The following COL24A1 variants were observed in gnomAD, a reference collection of about 807,000 sequenced individuals.
The protein encoded by COL24A1 is collagen type XXIV alpha 1 chain.
Under a neutral mutation model 253.9 loss-of-function variants are expected in COL24A1, and 224 were observed. That is an observed-to-expected ratio of 0.88 (90% CI 0.79 to 0.99). The LOEUF is 0.99. COL24A1 is among the 50% of genes least tolerant of loss of function. The pLI is 0.00. For synonymous variants in COL24A1, 685 were observed against 673.7 expected (o/e 1.02, Z -0.26); for missense variants, 2,131 against 2,068.5 (o/e 1.03, Z -0.59).
chr1:85,870,950 G>C (rs1680397706), intron 35 of COL24A1, among the ~76,000 whole-genome samples: 1 of 151,910 alleles, frequency 6.6e-6, no homozygotes, highest in African/African-American at 2.4e-5. Context: ...TAGACCGCTA[G>C]CAATACTAAT....
At chr1:85,922,885 G>C (rs1324743300) in intron 24 of COL24A1, among the ~76,000 whole-genome samples, 1 of 152,154 alleles carries the variant, frequency 6.6e-6, no homozygotes, top group Admixed American at 6.5e-5. Context: ...ATTGGATAAA[G>C]AGTCAAGACC....
intron 24 of COL24A1, among the ~76,000 whole-genome samples, chr1:85,937,376 TA>T (rs1688330417): frequency 6.8e-6 from 1 of 147,558 alleles, no homozygotes; most frequent in Non-Finnish European, 1.5e-5. Flanking sequence ...ATTAGGCACC[TA>T]AAAGGAAGAA....
chr1:86,043,246 A>G (rs190724704), intron 12 of COL24A1, among the ~76,000 whole-genome samples: 129 of 152,272 alleles, frequency 8.5e-4, no homozygotes, highest in African/African-American at 2.9e-3. Flanking sequence ...AAGACTGACT[A>G]TATCGCTCTA....
At position 85,841,425 on chromosome 1, in the gene COL24A1, CTATGA is replaced by C. The variant is rs1395742137; in HGVS notation, c.3571-152_3571-148del. ...AAAACTTTGATGTAAGAAACTAAGC[CTATGA>C]TATTTTATACAGAGTTGTAATTTGT... On this transcript the variant is annotated intron_variant, in intron 41 of 59. Transcript: ENST00000370571. 1.0e-4 allele frequency: 58 copies of C among 581,270 alleles called. No individual in the cohort carries two copies. The African/African-American group carries it at 1.1e-3, about 11-fold the overall frequency. The allele number at this position is 581,270 out of a possible 1,614,324, so 36.0% of individuals were successfully genotyped here. A position where few individuals can be genotyped will look rare whatever the true frequency, so the allele number is the denominator to read the frequency against.
intron 1 of COL24A1, among the ~76,000 whole-genome samples, chr1:86,148,908 C>T (rs1203488029): frequency 6.6e-6 from 1 of 152,038 alleles, no homozygotes; most frequent in Non-Finnish European, 1.5e-5. Flanking sequence ...AGTTCTAGAT[C>T]CCTGAGGAAT....
chr1:85,747,289 T>A (rs1286331999), intron 55 of COL24A1, among the ~76,000 whole-genome samples: 2 of 151,658 alleles, frequency 1.3e-5, no homozygotes, highest in African/African-American at 4.8e-5. Context: ...AATTTTTGTA[T>A]TTTTGGTAGA....
chr1:85,960,284 A>C lies in COL24A1; in HGVS notation c.2562+965T>G, dbSNP rs1690897545. ...ATTAATTTAGCACACTCTGTAAACG[A>C]ATTCACTTTCCTGGTGTTAATTTAA... On this transcript the variant is annotated intron_variant, in intron 24 of 59. Transcript: ENST00000370571. Among the ~76,000 whole-genome samples the C allele has an allele frequency of 2.0e-5, 3 of 152,270 alleles. No homozygotes were observed. In the South Asian group the frequency reaches 6.2e-4, roughly 32 times the overall value.
chr1:86,153,981 T>C (rs1653131453), intron 1 of COL24A1: 1 of 152,178 alleles, frequency 6.6e-6, no homozygotes, highest in Admixed American at 6.5e-5. Flanking sequence ...TGGAACTGTT[T>C]TTGGGTGACT....
chr1:86,078,838 A>G (rs1702434526), intron 7 of COL24A1, among the ~76,000 whole-genome samples: 2 of 152,198 alleles, frequency 1.3e-5, no homozygotes, highest in African/African-American at 4.8e-5. Context: ...TTCCATGTTC[A>G]TGAATTGGAA....
At chr1:86,043,348 A>G (rs1699648294) in intron 12 of COL24A1, among the ~76,000 whole-genome samples, 1 of 152,028 alleles carries the variant, frequency 6.6e-6, no homozygotes, top group Non-Finnish European at 1.5e-5. Context: ...TCACCCACAA[A>G]AATTAAAAAA....
At chr1:85,823,804 T>G in intron 43 of COL24A1, 66 bp from the exon 44 acceptor site, 2 of 1,399,160 alleles carry the variant, frequency 1.4e-6, no homozygotes, top group Non-Finnish European at 2.0e-6. Flanking sequence ...AATAGGATAC[T>G]ATCACTTAAA....
chr1:86,097,824 A>G (rs890668611), intron 5 of COL24A1, among the ~76,000 whole-genome samples: 2 of 151,884 alleles, frequency 1.3e-5, no homozygotes, highest in African/African-American at 2.4e-5. Context: ...GATGACTGTA[A>G]ACTGTATTTC....
At position 85,786,503 on chromosome 1, in the gene COL24A1, A is replaced by T. The variant is rs778455585; in HGVS notation, c.3952-42T>A. The T allele has an allele frequency of 3.8e-6, 6 of 1,580,260 alleles. No homozygotes were observed. In the East Asian group the frequency reaches 1.1e-4, roughly 30 times the overall value. The stretch of plus-strand genomic sequence containing the variant: ...AGAAATGAAAACTGGGAAAGTTTCT[A>T]AAAAGTCAGTTTAGAGGCTCAATAA... On this transcript the variant is annotated intron_variant, in intron 47 of 59. Transcript: ENST00000370571.
intron 47 of COL24A1, among the ~76,000 whole-genome samples, chr1:85,808,822 C>T (rs563788900): frequency 3.0e-4 from 45 of 152,254 alleles, no homozygotes; most frequent in Non-Finnish European, 5.6e-4. Flanking sequence ...GCAAGGCTGG[C>T]CCACATGGGA....
chr1:86,003,994 T>A (rs1695691878), intron 19 of COL24A1, among the ~76,000 whole-genome samples: 1 of 152,170 alleles, frequency 6.6e-6, no homozygotes, highest in South Asian at 2.1e-4. Flanking sequence ...GGCATGAGTA[T>A]CAAATGAATG....
chr1:86,070,387 T>G (rs1235691660), intron 7 of COL24A1, among the ~76,000 whole-genome samples: 1 of 151,892 alleles, frequency 6.6e-6, no homozygotes, highest in Non-Finnish European at 1.5e-5. Context: ...AAAGAGGAAG[T>G]AGAGAAAGAG....
At chr1:86,099,214 A>G (rs1360319084) in intron 5 of COL24A1, among the ~76,000 whole-genome samples, 1 of 152,182 alleles carries the variant, frequency 6.6e-6, no homozygotes, top group Non-Finnish European at 1.5e-5. Flanking sequence ...TGATAATGAA[A>G]ATGTAACATA....
At chr1:85,970,307 TA>T in intron 21 of COL24A1, 36 bp from the exon 22 acceptor site, 1 of 1,513,764 alleles carries the variant, frequency 6.6e-7, no homozygotes, top group Non-Finnish European at 8.9e-7. Flanking sequence ...TATTATGGCC[TA>T]AAATGAGTAT....
intron 39 of COL24A1, among the ~76,000 whole-genome samples, chr1:85,845,388 T>G (rs1001656022): frequency 6.6e-6 from 1 of 151,884 alleles, no homozygotes; most frequent in African/African-American, 2.4e-5. Flanking sequence ...TGGTCAAAAC[T>G]CTCATTTAAG....
Sources: allele counts gnomAD v4.1 joint callset (sites outside exome capture counted in the v4.1 genomes callset), GRCh38; gene constraint gnomAD v4.1.1; transcripts MANE v1.5; gene names NCBI Gene and HGNC (gene_info 2026-07-23, HGNC 2026-07-21).